KLHL24: variants seen among roughly 807,000 people sequenced by gnomAD.
KLHL24 encodes the protein kelch-like protein 24.
Under a neutral mutation model 53.4 loss-of-function variants are expected in KLHL24, and 29 were observed. The observed-to-expected ratio is 0.54, with a 90% confidence interval of 0.40 to 0.74. The LOEUF (loss-of-function observed/expected upper bound fraction) is 0.74, where lower values mean the gene tolerates loss of function less well. Ranked by LOEUF, KLHL24 falls within the 30% of genes least tolerant of loss-of-function variation. The pLI is 0.00. For missense variants in KLHL24, 504 were observed against 744.0 expected, an observed-to-expected ratio of 0.68 and a Z score of 3.75; for synonymous variants, 222 against 253.7, an observed-to-expected ratio of 0.88 and a Z score of 1.19.
rs1019618479 is a variant in KLHL24 at position 183,681,833 on chromosome 3, C to T, written c.*2547C>T. 1 of 152,420 alleles carries T rather than the reference C, an allele frequency of 6.6e-6. No homozygotes were observed. The highest frequency in any genetic ancestry group is 1.5e-5 in the Non-Finnish European group (1 of 67,934). 9.4% of individuals were successfully genotyped at this position (152,420 alleles called of 1,614,324 possible). ...ATTGGTGTCAGATTGTATTCATTCTCTCATCACATAAAGATTTTTCTTTTG... is the reference window on the plus strand; with the variant it reads ...ATTGGTGTCAGATTGTATTCATTCTTTCATCACATAAAGATTTTTCTTTTG... On this transcript the variant is annotated 3_prime_UTR_variant, in exon 8 of 8. Transcript: ENST00000242810.
intron 7 of KLHL24, among the ~76,000 whole-genome samples, chr3:183,678,117 C>G (rs1052349410): frequency 7.2e-5 from 11 of 152,130 alleles, no homozygotes; most frequent in African/African-American, 2.7e-4. Context: ...AAGAATCACT[C>G]TCATCCTTGC....
intron 1 of KLHL24, among the ~76,000 whole-genome samples, chr3:183,639,976 G>A (rs957421560): frequency 9.2e-5 from 14 of 152,206 alleles, no homozygotes; most frequent in African/African-American, 3.1e-4. Context: ...AGTGAGCCAA[G>A]ATTGTGCCAC....
intron 1 of KLHL24, among the ~76,000 whole-genome samples, chr3:183,638,333 G>T (rs370134609): frequency 6.6e-6 from 1 of 152,104 alleles, no homozygotes; most frequent in African/African-American, 2.4e-5. Flanking sequence ...GAACCTTAAT[G>T]CTTTTTCAAT....
chr3:183,665,356 C>G (rs539469019), intron 5 of KLHL24, among the ~76,000 whole-genome samples: 2 of 152,318 alleles, frequency 1.3e-5, no homozygotes, highest in South Asian at 2.1e-4. Context: ...GTCTAACCCA[C>G]GCAGTTTGTT....
At chr3:183,658,601 C>T (rs557501625) in intron 3 of KLHL24, among the ~76,000 whole-genome samples, 26 of 152,234 alleles carry the variant, frequency 1.7e-4, no homozygotes, top group African/African-American at 6.3e-4. Flanking sequence ...AGTAGACTTG[C>T]TCAGTCATAG....
At chr3:183,651,371 G>C (rs1021635742) in intron 3 of KLHL24, 95 bp downstream of exon 3, 2 of 777,280 alleles carry the variant, frequency 2.6e-6, no homozygotes, top group African/African-American at 3.5e-5. Flanking sequence ...TATATGCACT[G>C]TCTACCTGTG....
chr3:183,671,121 G>T lies in KLHL24; in HGVS notation c.1312G>T (p.Ala438Ser). 6.2e-7 allele frequency: 1 copy of T among 1,614,032 alleles called. No homozygotes were observed. Among genetic ancestry groups the T allele is most frequent in the Non-Finnish European group, 8.5e-7 (1 of 1,179,974 alleles). ...CTTTTCAAATCGATGGACTGAAGTTGCTCCCCTTAAGGAAGCCGTGAGTTC... is the reference window on the plus strand; with the variant it reads ...CTTTTCAAATCGATGGACTGAAGTTTCTCCCCTTAAGGAAGCCGTGAGTTC... ...DSFSNRWTEV[A>S]PLKEAVSSPA... Residue 438 changes from alanine (A) to serine (S), a missense_variant, in exon 6 of 8, where the codon GCT becomes TCT. Ala to Ser is a moderately conservative substitution (Grantham distance 99). Coordinates refer to ENST00000242810, the MANE Select transcript of KLHL24 (RefSeq NM_017644.3).
At chr3:183,658,084 A>G (rs2108821572) in intron 3 of KLHL24, among the ~76,000 whole-genome samples, 1 of 152,022 alleles carries the variant, frequency 6.6e-6, no homozygotes, top group East Asian at 1.9e-4. Flanking sequence ...GTGGTGGTGG[A>G]CACCTGTAAT....
chr3:183,677,933 A>G (rs1016241285), intron 7 of KLHL24, among the ~76,000 whole-genome samples: 2 of 152,064 alleles, frequency 1.3e-5, no homozygotes, highest in East Asian at 3.9e-4. Flanking sequence ...TAGGGATTAC[A>G]AGCACCCCCC....
At chr3:183,636,649 G>A (rs1044171640) in intron 1 of KLHL24, 2 of 152,436 alleles carry the variant, frequency 1.3e-5, no homozygotes, top group African/African-American at 2.4e-5. Flanking sequence ...GCAGCTTGTG[G>A]GCGGTACCCG....
chr3:183,649,934 G>T (rs9857450), intron 2 of KLHL24, among the ~76,000 whole-genome samples: 48,312 of 151,990 alleles, frequency 0.32, 8,199 homozygotes, highest in East Asian at 0.47. Flanking sequence ...ATAACTGTTA[G>T]AATTCTAACT....
chr3:183,648,896 G>A (rs1230305533), intron 2 of KLHL24, among the ~76,000 whole-genome samples: 5 of 152,084 alleles, frequency 3.3e-5, no homozygotes, highest in Admixed American at 2.6e-4. Context: ...CCAGCTACTC[G>A]GGAGGCTGAG....
intron 1 of KLHL24, among the ~76,000 whole-genome samples, chr3:183,637,325 T>C (rs1715464815): frequency 6.6e-6 from 1 of 152,210 alleles, no homozygotes; most frequent in Non-Finnish European, 1.5e-5. Context: ...TTAAAAAAGA[T>C]AGTTTGAAGA....
At chr3:183,677,743 A>G (rs1255844404) in intron 7 of KLHL24, among the ~76,000 whole-genome samples, 1 of 152,124 alleles carries the variant, frequency 6.6e-6, no homozygotes, top group African/African-American at 2.4e-5. Flanking sequence ...GTATAACCAG[A>G]TGCATGTAAT....
intron 3 of KLHL24, among the ~76,000 whole-genome samples, chr3:183,652,717 G>C (rs749476050): frequency 1.3e-5 from 2 of 152,216 alleles, no homozygotes; most frequent in East Asian, 3.9e-4. Flanking sequence ...ATACTAGTTT[G>C]AATAATGTAT....
rs1475743458 is a variant in KLHL24, at chr3:183,664,935, AGCCG to A, written c.1121_1124del (p.Ser374MetfsTer10). Reference sequence around the variant, plus strand: ...TGCATTTCAAGGTGGAAGAATCAACAGCCGTGATGTCTGGATTTATAACTCACAG... The same window carrying A: ...TGCATTTCAAGGTGGAAGAATCAACATGATGTCTGGATTTATAACTCACAG... On this transcript the variant is annotated frameshift_variant, in exon 5 of 8. Transcript: ENST00000242810. LOFTEE classifies it high-confidence loss of function. 1 of 1,604,164 alleles carries A rather than the reference AGCCG, an allele frequency of 6.2e-7. No homozygotes were observed. Among genetic ancestry groups the A allele is most frequent in the Non-Finnish European group, 8.5e-7 (1 of 1,172,752 alleles).
At chr3:183,662,776 A>G (rs999332391) in intron 3 of KLHL24, among the ~76,000 whole-genome samples, 2 of 152,182 alleles carry the variant, frequency 1.3e-5, no homozygotes, top group Non-Finnish European at 2.9e-5. Flanking sequence ...AGAGACAACT[A>G]TCTTTAGCAT....
rs779905971 is a variant in KLHL24 at position 183,663,515 on chromosome 3, A to G, written c.978A>G (p.Gly326=). Residue 326 remains glycine (G), a synonymous_variant, in exon 4 of 8, where the codon GGA becomes GGG. Coordinates refer to ENST00000242810, the MANE Select transcript of KLHL24 (RefSeq NM_017644.3). This position sits in a 1 kb window ranked among gnomAD's most constrained non-coding sequence, Gnocchi z 4.9. The part of the protein sequence containing the change: ...VVVGGCERVG[G]FNLPYTECYD... ...TTGGAGGATGTGAGCGAGTTGGAGG[A>G]TTTAATCTTCCATACACTGAGTGCT... 14 of 1,590,700 alleles carry G rather than the reference A, an allele frequency of 8.8e-6. No homozygotes were observed. Among genetic ancestry groups the G allele is most frequent in the Non-Finnish European group, 1.1e-5 (13 of 1,166,922 alleles).
chr3:183,643,236 A>G (rs1337364472), intron 1 of KLHL24: 3 of 152,226 alleles, frequency 2.0e-5, no homozygotes, highest in African/African-American at 7.2e-5. Context: ...GTCTCAAAAA[A>G]CAAACAAAAA....
Sources: gnomAD v4.1 joint callset for allele counts (sites outside exome capture counted in the v4.1 genomes callset) on GRCh38, gnomAD v4.1.1 for gene constraint, Gnocchi (gnomAD v3.1) non-coding constraint, MANE v1.5 for transcripts, NCBI Gene and HGNC (gene_info 2026-07-23, HGNC 2026-07-21) for gene names.